FGF13: variants seen among roughly 807,000 people sequenced by gnomAD.
FGF13 encodes fibroblast growth factor 13.
Under a neutral mutation model 19.5 loss-of-function variants are expected in FGF13, and 2 were observed. The ratio of observed to expected loss-of-function variants is 0.10; its 90% CI spans 0.04 to 0.32. The LOEUF (loss-of-function observed/expected upper bound fraction) is 0.32. Ranked by LOEUF, FGF13 falls within the 10% of genes least tolerant of loss-of-function variation. The probability of loss-of-function intolerance (pLI) is 1.00; values close to 1 mark genes in which losing one functional copy is unlikely to be tolerated. For missense variants in FGF13, 113 were observed against 192.7 expected (o/e 0.59, Z 2.45); for synonymous variants, 72 against 76.9 (o/e 0.94, Z 0.33).
intron 1 of FGF13, among the ~76,000 whole-genome samples, chrX:138,717,937 G>T (rs954305217): frequency 1.1e-4 from 12 of 111,839 alleles, no homozygotes; most frequent in African/African-American, 3.9e-4. Flanking sequence ...TTTGCCTTTG[G>T]AAGATCATAC....
rs139577826 is a variant in FGF13, at chrX:139,042,688, C to T, written c.-113+160728G>A. On this transcript the variant is annotated intron_variant, in intron 1 of 2. Transcript: ENST00000421460. ...AATTTATTCAATTTTGTGCAGTGCT[C>T]ATCTTAGCTGAATTATGTGTAATTT... Among the ~76,000 whole-genome samples the T allele has an allele frequency of 8.6e-3, 956 of 111,520 alleles. 18 individuals carry two copies. The highest frequency in any genetic ancestry group is 0.03 in the African/African-American group (908 of 30,548).
chrX:138,703,156 C>T, intron 2 of FGF13, 69 bp from the exon 3 acceptor site: 2 of 831,550 alleles, frequency 2.4e-6, no homozygotes, highest in Non-Finnish European at 3.6e-6. Flanking sequence ...ATGTTTCCAG[C>T]AGGACTGCCT....
At chrX:139,051,045 A>T (rs959336732) in intron 1 of FGF13, among the ~76,000 whole-genome samples, 1 of 112,084 alleles carries the variant, frequency 8.9e-6, no homozygotes, top group South Asian at 3.7e-4. Context: ...CTGGAGACCC[A>T]CCAAATATAC....
At chrX:138,862,895 T>C (rs1260728363) in intron 2 of FGF13, among the ~76,000 whole-genome samples, 5 of 111,808 alleles carry the variant, frequency 4.5e-5, no homozygotes, top group Non-Finnish European at 9.4e-5. Flanking sequence ...CCATCCTATG[T>C]TTCTTCAGGC....
At chrX:138,983,649 C>A (rs1466288166) in intron 1 of FGF13, among the ~76,000 whole-genome samples, 1 of 109,547 alleles carries the variant, frequency 9.1e-6, no homozygotes, top group Non-Finnish European at 1.9e-5. Context: ...AATAGAACTA[C>A]CATATGATCT....
intron 3 of FGF13, among the ~76,000 whole-genome samples, chrX:138,650,885 G>C (rs1166362946): frequency 9.0e-6 from 1 of 111,516 alleles, no homozygotes; most frequent in Non-Finnish European, 1.9e-5. Context: ...TTTTGTATAA[G>C]GCGGCTCCAT....
chrX:139,194,981 G>T (rs778551560), intron 1 of FGF13, among the ~76,000 whole-genome samples: 1 of 111,988 alleles, frequency 8.9e-6, no homozygotes, highest in South Asian at 3.7e-4. Context: ...CCAGGAAGGC[G>T]CTTTGTCATG....
At chrX:139,053,329 G>GT (rs757293801) in intron 1 of FGF13, among the ~76,000 whole-genome samples, 1 of 110,014 alleles carries the variant, frequency 9.1e-6, no homozygotes, top group East Asian at 2.9e-4. Flanking sequence ...TCTCCACACT[G>GT]TTTTCCATAG....
intron 3 of FGF13, among the ~76,000 whole-genome samples, chrX:138,798,095 C>T (rs1461770798): frequency 1.8e-5 from 2 of 111,767 alleles, no homozygotes; most frequent in African/African-American, 6.5e-5. Context: ...ACTTCCAATA[C>T]TATGTTGAAT....
At chrX:139,046,033 T>C (rs1332868111) in intron 1 of FGF13, among the ~76,000 whole-genome samples, 1 of 111,952 alleles carries the variant, frequency 8.9e-6, no homozygotes, top group Non-Finnish European at 1.9e-5. Context: ...CTTGCTTTGC[T>C]ATAAAGAAAT....
chrX:138,778,955 C>G (rs185607030), intron 3 of FGF13, among the ~76,000 whole-genome samples: 7 of 112,338 alleles, frequency 6.2e-5, no homozygotes, highest in Non-Finnish European at 1.3e-4. Flanking sequence ...TCTTCCAGCA[C>G]GAGCTGGAGA....
chrX:139,105,342 G>GA (rs2124460685), intron 1 of FGF13, among the ~76,000 whole-genome samples: 1 of 111,319 alleles, frequency 9.0e-6, no homozygotes, highest in South Asian at 3.8e-4. Context: ...ATAACTCAGG[G>GA]AATTTTTTTT....
chrX:139,198,228 A>G (rs1056690391), intron 1 of FGF13, among the ~76,000 whole-genome samples: 1 of 111,543 alleles, frequency 9.0e-6, no homozygotes, highest in Admixed American at 9.5e-5. Flanking sequence ...ATTGAGTTTT[A>G]CTGTTTTTCT....
At chrX:139,111,167 T>C (rs1806419923) in intron 1 of FGF13, among the ~76,000 whole-genome samples, 1 of 112,129 alleles carries the variant, frequency 8.9e-6, no homozygotes, top group South Asian at 3.7e-4. Flanking sequence ...GCATCCCAGC[T>C]GGTGGGAACA....
chrX:138,950,262 A>G (rs1394800149), intron 1 of FGF13, among the ~76,000 whole-genome samples: 1 of 112,052 alleles, frequency 8.9e-6, no homozygotes, highest in Admixed American at 9.5e-5. Context: ...CTATCAAAAA[A>G]TAAACCCACA....
At chrX:139,031,223 T>C (rs1482363514) in intron 1 of FGF13, among the ~76,000 whole-genome samples, 1 of 108,527 alleles carries the variant, frequency 9.2e-6, no homozygotes, top group Non-Finnish European at 1.9e-5. Context: ...AAAAAAATAA[T>C]AATAATTTCC....
intron 1 of FGF13, among the ~76,000 whole-genome samples, chrX:138,877,707 G>A (rs754589057): frequency 2.7e-5 from 3 of 112,357 alleles, no homozygotes; most frequent in South Asian, 3.7e-4. Context: ...CTTTTACTTA[G>A]CATAATGTCT....
intron 1 of FGF13, among the ~76,000 whole-genome samples, chrX:138,885,108 T>G (rs1282938823): frequency 8.9e-6 from 1 of 111,927 alleles, no homozygotes; most frequent in Non-Finnish European, 1.9e-5. Context: ...TGTTGAAAGT[T>G]TGTTGTTTTA....
chrX:138,910,545 C>T (rs971254144), intron 1 of FGF13, among the ~76,000 whole-genome samples: 1 of 112,074 alleles, frequency 8.9e-6, no homozygotes, highest in Non-Finnish European at 1.9e-5. Flanking sequence ...GGTCTTTCTG[C>T]TAGATCAGAA....
Sources: allele counts gnomAD v4.1 joint callset (sites outside exome capture counted in the v4.1 genomes callset), GRCh38; gene constraint gnomAD v4.1.1; transcripts MANE v1.5; gene names NCBI Gene and HGNC (gene_info 2026-07-23, HGNC 2026-07-21).